Variants in ADAMTSL3 observed in about 807,000 individuals in gnomAD.
ADAMTSL3 encodes the protein ADAMTS like 3, also known as ADAMTS-like protein 3.
ADAMTSL3 carries 128 observed loss-of-function variants against 201.7 expected under a neutral mutation model. The observed-to-expected ratio is 0.63, with a 90% confidence interval of 0.55 to 0.73. The LOEUF is 0.73. Ranked by LOEUF, ADAMTSL3 falls within the 30% of genes least tolerant of loss-of-function variation. The probability of loss-of-function intolerance (pLI) is 0.00; values close to 1 mark genes in which losing one functional copy is unlikely to be tolerated. For missense variants in ADAMTSL3, 1,990 were observed against 2,119.6 expected (o/e 0.94, Z 1.20); for synonymous variants, 738 against 748.4 (o/e 0.99, Z 0.23).
At chr15:83,860,203 G>A (rs1217227563) in intron 8 of ADAMTSL3, among the ~76,000 whole-genome samples, 2 of 152,148 alleles carry the variant, frequency 1.3e-5, no homozygotes, top group Non-Finnish European at 1.5e-5. Context: ...GACACAGGAA[G>A]ACCATGTCTC....
At chr15:83,811,084 A>C (rs1005421825) in intron 5 of ADAMTSL3, among the ~76,000 whole-genome samples, 2 of 152,142 alleles carry the variant, frequency 1.3e-5, no homozygotes, top group Non-Finnish European at 2.9e-5. Flanking sequence ...ACAGCTGGGC[A>C]TTGTTCTCCC....
At chr15:83,787,998 A>G (rs533276471) in intron 4 of ADAMTSL3, among the ~76,000 whole-genome samples, 18 of 152,278 alleles carry the variant, frequency 1.2e-4, no homozygotes, top group Admixed American at 5.9e-4. Context: ...TATTATAAAG[A>G]CATGTTATTA....
chr15:83,687,270 A>G (rs2061550659), intron 2 of ADAMTSL3, among the ~76,000 whole-genome samples: 1 of 152,248 alleles, frequency 6.6e-6, no homozygotes, highest in South Asian at 2.1e-4. Context: ...AACATATTTC[A>G]TTTAACTTAA....
At chr15:83,946,064 T>C (rs1157824315) in intron 19 of ADAMTSL3, 1 of 152,322 alleles carries the variant, frequency 6.6e-6, no homozygotes, top group Non-Finnish European at 1.5e-5. Flanking sequence ...AGACAGCTTG[T>C]TTCTGGATGC....
At chr15:83,886,262 A>T (rs1480985367) in intron 10 of ADAMTSL3, among the ~76,000 whole-genome samples, 1 of 152,212 alleles carries the variant, frequency 6.6e-6, no homozygotes, top group Non-Finnish European at 1.5e-5. Flanking sequence ...GCAACCCAGG[A>T]ACCATGACTT....
intron 23 of ADAMTSL3, among the ~76,000 whole-genome samples, chr15:84,007,188 C>A (rs1479529350): frequency 6.6e-6 from 1 of 152,200 alleles, no homozygotes; most frequent in Non-Finnish European, 1.5e-5. Context: ...CTTGCGCTGG[C>A]ATGGCTGTTT....
At chr15:83,910,604 A>G (rs2065912863) in intron 15 of ADAMTSL3, among the ~76,000 whole-genome samples, 1 of 150,122 alleles carries the variant, frequency 6.7e-6, no homozygotes, top group African/African-American at 2.5e-5. Flanking sequence ...GAGTATAACC[A>G]TTATTTGCCC....
intron 3 of ADAMTSL3, among the ~76,000 whole-genome samples, chr15:83,772,656 G>A (rs2063003439): frequency 2.0e-5 from 3 of 151,496 alleles, no homozygotes; most frequent in South Asian, 4.2e-4. Context: ...GGGAGTTACC[G>A]CCAGTCTGCC....
intron 24 of ADAMTSL3, among the ~76,000 whole-genome samples, chr15:84,016,069 C>G (rs188790198): frequency 6.6e-5 from 10 of 152,316 alleles, no homozygotes; most frequent in African/African-American, 2.2e-4. Context: ...CTCTATCCAA[C>G]CAATCTGCTT....
chr15:83,841,974 C>T (rs966089374), intron 7 of ADAMTSL3, among the ~76,000 whole-genome samples: 4 of 151,712 alleles, frequency 2.6e-5, no homozygotes, highest in Middle Eastern at 3.4e-3. Context: ...CGAGGGCGGA[C>T]GGACGAGATC....
intron 9 of ADAMTSL3, among the ~76,000 whole-genome samples, chr15:83,882,983 CTATT>C (rs1370420453): frequency 1.3e-5 from 2 of 151,762 alleles, no homozygotes; most frequent in Non-Finnish European, 2.9e-5. Flanking sequence ...CTTCATCATT[CTATT>C]TGTCTATTAT....
chr15:83,913,621 G>T (rs1649664048), intron 16 of ADAMTSL3, among the ~76,000 whole-genome samples: 1 of 151,898 alleles, frequency 6.6e-6, no homozygotes, highest in Non-Finnish European at 1.5e-5. Context: ...CTGAGAATCT[G>T]CATGACTGAG....
At chr15:83,879,131 A>G (rs892679391) in intron 9 of ADAMTSL3, among the ~76,000 whole-genome samples, 3 of 152,086 alleles carry the variant, frequency 2.0e-5, no homozygotes, top group East Asian at 3.8e-4. Context: ...GTCATTGACT[A>G]TTTGTGCCTA....
intron 5 of ADAMTSL3, among the ~76,000 whole-genome samples, chr15:83,808,238 C>T (rs11259918): frequency 0.15 from 22,706 of 151,968 alleles, 2,271 homozygotes; most frequent in Middle Eastern, 0.31. Context: ...CAGCTGGACA[C>T]GGAAATATTT....
intron 3 of ADAMTSL3, among the ~76,000 whole-genome samples, chr15:83,763,600 G>T (rs1434238737): frequency 1.3e-5 from 2 of 151,814 alleles, no homozygotes; most frequent in Admixed American, 1.3e-4. Context: ...TGCCTCCCGG[G>T]TTCACGCCAT....
At chr15:83,877,121 G>A (rs545389938) in intron 9 of ADAMTSL3, among the ~76,000 whole-genome samples, 31 of 151,486 alleles carry the variant, frequency 2.0e-4, no homozygotes, top group Non-Finnish European at 3.7e-4. Context: ...TTTTTTTTTT[G>A]TAGTAACAGG....
intron 3 of ADAMTSL3, among the ~76,000 whole-genome samples, chr15:83,713,213 A>G (rs1020816027): frequency 1.3e-5 from 2 of 152,178 alleles, no homozygotes; most frequent in African/African-American, 4.8e-5. Flanking sequence ...AAGAAGATCG[A>G]TCAGCCATGA....
At chr15:83,969,547 T>G (rs1156566972) in intron 19 of ADAMTSL3, among the ~76,000 whole-genome samples, 2 of 152,216 alleles carry the variant, frequency 1.3e-5, no homozygotes, top group African/African-American at 4.8e-5. Context: ...TTTACAGCCT[T>G]AAAAATGTAG....
At position 83,887,308 on chromosome 15, in the gene ADAMTSL3, G is replaced by A. The variant is rs565437741; in HGVS notation, c.1072+2096G>A. ...TTACTAAAGGATTTTTCTTTAAGGG[G>A]GCATTTATTCAACTTAAATAAACAT... On this transcript the variant is annotated intron_variant, in intron 10 of 29. Transcript: ENST00000286744. Among the ~76,000 whole-genome samples the A allele has an allele frequency of 5.9e-5, 9 of 152,110 alleles. No homozygotes were observed. The East Asian group carries it at 1.7e-3, about 29-fold the overall frequency.
Sources: allele counts gnomAD v4.1 joint callset (sites outside exome capture counted in the v4.1 genomes callset), GRCh38; gene constraint gnomAD v4.1.1; transcripts MANE v1.5; gene names NCBI Gene and HGNC (gene_info 2026-07-23, HGNC 2026-07-21).